Variants in NBEA observed in about 807,000 individuals in gnomAD.
The protein encoded by NBEA is lysosomal-trafficking regulator 2.
NBEA carries 44 observed loss-of-function variants against 343.4 expected under a neutral mutation model. That is an observed-to-expected ratio of 0.13 (90% CI 0.10 to 0.16). NBEA has a LOEUF of 0.16. NBEA is among the 10% of genes least tolerant of loss of function. NBEA has a pLI of 1.00. For missense variants in NBEA, 2,555 were observed against 3,631.3 expected, an observed-to-expected ratio of 0.70 and a Z score of 7.62; for synonymous variants, 1,175 against 1,238.7, an observed-to-expected ratio of 0.95 and a Z score of 1.08.
chr13:35,086,498 C>T (rs935204962), intron 10 of NBEA, among the ~76,000 whole-genome samples: 3 of 151,962 alleles, frequency 2.0e-5, no homozygotes, highest in Non-Finnish European at 4.4e-5. Flanking sequence ...CTATCTGCCT[C>T]CATGTGATCA....
intron 46 of NBEA, among the ~76,000 whole-genome samples, chr13:35,585,201 C>T (rs2081244872): frequency 6.9e-6 from 1 of 144,128 alleles, no homozygotes; most frequent in African/African-American, 2.5e-5. Context: ...CCTGCACAGT[C>T]AGATTCCTGA....
At chr13:35,427,183 C>T (rs1235769974) in intron 38 of NBEA, among the ~76,000 whole-genome samples, 6 of 152,246 alleles carry the variant, frequency 3.9e-5, no homozygotes, top group African/African-American at 9.6e-5. Context: ...TGAGGAGCTG[C>T]GTTCCTTTGG....
At chr13:35,364,634 G>A (rs928331828) in intron 38 of NBEA, among the ~76,000 whole-genome samples, 4 of 151,760 alleles carry the variant, frequency 2.6e-5, no homozygotes, top group African/African-American at 4.8e-5. Flanking sequence ...GATTAAGGGG[G>A]ATTGAAGATC....
intron 33 of NBEA, among the ~76,000 whole-genome samples, chr13:35,213,871 C>T (rs184312350): frequency 2.6e-5 from 4 of 152,058 alleles, no homozygotes; most frequent in East Asian, 3.9e-4. Context: ...ATACCCATCA[C>T]CCCGAAAGTT....
chr13:35,392,459 G>A (rs943554534), intron 38 of NBEA, among the ~76,000 whole-genome samples: 1 of 147,372 alleles, frequency 6.8e-6, no homozygotes. Flanking sequence ...GAGCCAGTAT[G>A]TGTGTGTGTG....
intron 34 of NBEA, among the ~76,000 whole-genome samples, chr13:35,288,356 CTTCTTTTGCTTTTGGGAGAATCCATTTA>C (rs1193290352): frequency 8.6e-5 from 13 of 151,608 alleles, no homozygotes; most frequent in Non-Finnish European, 1.6e-4. Flanking sequence ...ACGTTTAGTT[CTTCTTTTGCTTTTGGGAGAATCCATTTA>C]TTCTTTCTGT....
intron 1 of NBEA, among the ~76,000 whole-genome samples, chr13:34,965,313 T>C (rs1445588255): frequency 1.3e-5 from 2 of 152,024 alleles, no homozygotes; most frequent in Non-Finnish European, 2.9e-5. Context: ...CAGGCCTTAG[T>C]GGTAGGACTA....
intron 18 of NBEA, among the ~76,000 whole-genome samples, chr13:35,152,411 C>G (rs1025173529): frequency 6.6e-6 from 1 of 152,050 alleles, no homozygotes; most frequent in South Asian, 2.1e-4. Context: ...TGTAAAGATT[C>G]TCTGACCCAA....
intron 41 of NBEA, among the ~76,000 whole-genome samples, chr13:35,508,482 A>G (rs1166494537): frequency 1.3e-5 from 2 of 152,194 alleles, no homozygotes; most frequent in African/African-American, 4.8e-5. Flanking sequence ...CTGAGTTTTA[A>G]TGGCCTAAAC....
At chr13:35,505,895 C>T (rs1389165663) in intron 41 of NBEA, among the ~76,000 whole-genome samples, 1 of 152,070 alleles carries the variant, frequency 6.6e-6, no homozygotes, top group Non-Finnish European at 1.5e-5. Context: ...TGATTTTACT[C>T]ATAAATATTT....
chr13:34,967,689 T>A (rs1426946461), intron 1 of NBEA, among the ~76,000 whole-genome samples: 1 of 152,098 alleles, frequency 6.6e-6, no homozygotes, highest in Non-Finnish European at 1.5e-5. Flanking sequence ...GATCCAAATA[T>A]TTTAGCCTTT....
chr13:35,317,683 A>G (rs1216281348), intron 36 of NBEA, among the ~76,000 whole-genome samples: 1 of 152,146 alleles, frequency 6.6e-6, no homozygotes. Context: ...TGAATCTATA[A>G]ATTACTTTGG....
intron 49 of NBEA, among the ~76,000 whole-genome samples, chr13:35,633,002 G>A (rs1170421833): frequency 7.2e-6 from 1 of 139,288 alleles, no homozygotes; most frequent in African/African-American, 2.7e-5. Context: ...CTTCAATGAA[G>A]CAAGTCTTAT....
intron 44 of NBEA, among the ~76,000 whole-genome samples, chr13:35,564,185 C>T (rs1008205158): frequency 5.3e-5 from 8 of 152,090 alleles, no homozygotes; most frequent in Admixed American, 3.9e-4. Flanking sequence ...GGCTTTTTAA[C>T]AGTTTTCCTT....
At chr13:35,588,629 T>G (rs2081390963) in intron 46 of NBEA, among the ~76,000 whole-genome samples, 1 of 152,148 alleles carries the variant, frequency 6.6e-6, no homozygotes, top group South Asian at 2.1e-4. Context: ...AAAAGACTGT[T>G]TTCCTGACAG....
intron 26 of NBEA, among the ~76,000 whole-genome samples, chr13:35,172,256 T>TTTTG (rs999364057): frequency 1.6e-4 from 24 of 150,972 alleles, no homozygotes; most frequent in African/African-American, 4.9e-4. Context: ...TGAAACCTTT[T>TTTTG]TTTGTTTGTT....
intron 2 of NBEA, among the ~76,000 whole-genome samples, chr13:35,043,026 T>C (rs1265358598): frequency 2.0e-5 from 3 of 151,870 alleles, no homozygotes; most frequent in Non-Finnish European, 4.4e-5. Flanking sequence ...TTAAAAAAAA[T>C]CATTTCTAAT....
intron 47 of NBEA, among the ~76,000 whole-genome samples, chr13:35,596,752 A>C (rs1323368385): frequency 6.6e-6 from 1 of 152,138 alleles, no homozygotes; most frequent in South Asian, 2.1e-4. Flanking sequence ...TAGAATAGCT[A>C]TGTAGATGTC....
chr13:35,576,363 C>G (rs960575699), intron 45 of NBEA, among the ~76,000 whole-genome samples: 2 of 151,390 alleles, frequency 1.3e-5, no homozygotes, highest in African/African-American at 4.9e-5. Flanking sequence ...AGAGATCTAC[C>G]CACCTTGGTC....
Sources: gnomAD v4.1 joint callset for allele counts (sites outside exome capture counted in the v4.1 genomes callset) on GRCh38, gnomAD v4.1.1 for gene constraint, MANE v1.5 for transcripts, NCBI Gene and HGNC (gene_info 2026-07-23, HGNC 2026-07-21) for gene names.